The following SPRED2 variants were observed in gnomAD, a reference collection of about 807,000 sequenced individuals.
SPRED2 encodes the protein sprouty related EVH1 domain containing 2.
SPRED2 carries 47 observed loss-of-function variants against 43.0 expected under a neutral mutation model. The ratio of observed to expected loss-of-function variants is 1.09; its 90% confidence interval spans 0.87 to 1.40. The LOEUF (loss-of-function observed/expected upper bound fraction) is 1.40. Ranked by LOEUF, SPRED2 falls within the 40% of genes most tolerant of loss-of-function variation. The pLI, the probability that SPRED2 is intolerant of heterozygous loss-of-function variation, is 0.00. For synonymous variants in SPRED2, 225 were observed against 225.7 expected, an observed-to-expected ratio of 1.00 and a Z score of 0.03; for missense variants, 561 against 586.4, an observed-to-expected ratio of 0.96 and a Z score of 0.45.
intron 1 of SPRED2, among the ~76,000 whole-genome samples, chr2:65,401,937 G>GCGCGCACACACA (rs776512353): frequency 0.097 from 11,074 of 114,332 alleles, 532 homozygotes; most frequent in Non-Finnish European, 0.12. Context: ...GCGCGCGCGC[G>GCGCGCACACACA]CACACACACA....
At chr2:65,412,095 C>G (rs1262389371) in intron 1 of SPRED2, among the ~76,000 whole-genome samples, 1 of 151,052 alleles carries the variant, frequency 6.6e-6, no homozygotes, top group East Asian at 1.9e-4. Flanking sequence ...CCACTGCACT[C>G]CAGCCTGGGC....
intron 2 of SPRED2, among the ~76,000 whole-genome samples, chr2:65,341,334 A>G (rs371016555): frequency 8.6e-5 from 13 of 151,406 alleles, no homozygotes; most frequent in African/African-American, 3.2e-4. Flanking sequence ...TAAAGGGGAC[A>G]GGAAAAGGGG....
intron 1 of SPRED2, among the ~76,000 whole-genome samples, chr2:65,409,093 G>C (rs540865432): frequency 2.0e-5 from 3 of 152,312 alleles, no homozygotes; most frequent in South Asian, 2.1e-4. Flanking sequence ...GAAGTATTAT[G>C]AGCCCTTTTT....
intron 4 of SPRED2, among the ~76,000 whole-genome samples, chr2:65,320,951 T>C (rs2104143217): frequency 6.6e-6 from 1 of 152,332 alleles, no homozygotes; most frequent in East Asian, 1.9e-4. Context: ...CATCTCTCTG[T>C]TATTTCTGTG....
chr2:65,311,110 G>A lies in SPRED2; in HGVS notation c.*2391C>T, dbSNP rs1470728547. On this transcript the variant is annotated 3_prime_UTR_variant, in exon 6 of 6. Coordinates refer to ENST00000356388, the MANE Select transcript of SPRED2 (RefSeq NM_181784.3). ...GCAAATAGCTTGGGGGGTCGGGGAG[G>A]CTTCTGGACAGAAAATCTTTTGGTT... is the stretch of plus-strand genomic sequence containing the variant. 9 of 985,648 alleles carry A rather than the reference G, an allele frequency of 9.1e-6. No homozygotes were observed. The highest frequency in any genetic ancestry group is 9.6e-6 in the Non-Finnish European group (8 of 829,922). 61.1% of individuals were successfully genotyped at this position (985,648 alleles called of 1,614,324 possible).
At chr2:65,431,690 C>T (rs2103831368) in intron 1 of SPRED2, among the ~76,000 whole-genome samples, 1 of 152,150 alleles carries the variant, frequency 6.6e-6, no homozygotes, top group South Asian at 2.1e-4. Flanking sequence ...CGAGAGGGAG[C>T]GGAGACCGCC....
chr2:65,408,171 A>C (rs939722985), intron 1 of SPRED2, among the ~76,000 whole-genome samples: 7 of 152,198 alleles, frequency 4.6e-5, no homozygotes, highest in African/African-American at 1.7e-4. Flanking sequence ...CTTTCAACAA[A>C]GCTTTAGGCT....
intron 1 of SPRED2, among the ~76,000 whole-genome samples, chr2:65,367,864 T>C (rs1675022616): frequency 6.6e-6 from 1 of 152,136 alleles, no homozygotes; most frequent in Admixed American, 6.5e-5. Flanking sequence ...GCAGGCCCTT[T>C]GGTAATGTGG....
chr2:65,380,463 G>A (rs1675346125), intron 1 of SPRED2, among the ~76,000 whole-genome samples: 1 of 152,082 alleles, frequency 6.6e-6, no homozygotes, highest in Non-Finnish European at 1.5e-5. Flanking sequence ...TGCCTTCGAG[G>A]CTAGTCAATC....
chr2:65,409,691 C>CAAA (rs59225849), intron 1 of SPRED2, among the ~76,000 whole-genome samples: 235 of 89,966 alleles, frequency 2.6e-3, no homozygotes, highest in Non-Finnish European at 3.4e-3. Flanking sequence ...CAGTTTCCTG[C>CAAA]AAAAAAAAAA....
rs1470970060 is a variant in SPRED2, at chr2:65,432,055, G to A, written c.-68C>T. The A allele has an allele frequency of 4.9e-5, 79 of 1,597,472 alleles. 1 individual carries two copies. The Admixed American group carries it at 1.3e-3, about 26-fold the overall frequency. Reference sequence around the variant, plus strand: ...GCTCCCTTCATCTTCCTGTCCGCTCGCCCCCCTTCTTCACATCTCCGGAGA... The same window carrying A: ...GCTCCCTTCATCTTCCTGTCCGCTCACCCCCCTTCTTCACATCTCCGGAGA... On this transcript the variant is annotated 5_prime_UTR_variant, in exon 1 of 6. Coordinates refer to ENST00000356388, the MANE Select transcript of SPRED2 (RefSeq NM_181784.3).
At chr2:65,366,951 A>T (rs951006188) in intron 1 of SPRED2, among the ~76,000 whole-genome samples, 1 of 152,244 alleles carries the variant, frequency 6.6e-6, no homozygotes, top group South Asian at 2.1e-4. Context: ...CATTGATGAA[A>T]GGATGAAATG....
chr2:65,377,115 T>C (rs1253034415), intron 1 of SPRED2, among the ~76,000 whole-genome samples: 2 of 152,254 alleles, frequency 1.3e-5, no homozygotes, highest in African/African-American at 4.8e-5. Context: ...AGTTTCTTAT[T>C]AATGAACATT....
intron 1 of SPRED2, among the ~76,000 whole-genome samples, chr2:65,403,639 T>C (rs1218229484): frequency 6.6e-6 from 1 of 152,064 alleles, no homozygotes; most frequent in African/African-American, 2.4e-5. Context: ...TTAGTGGAAA[T>C]GTAGTCCAAG....
chr2:65,430,307 G>T (rs990056437), intron 1 of SPRED2, among the ~76,000 whole-genome samples: 1 of 152,164 alleles, frequency 6.6e-6, no homozygotes, highest in Admixed American at 6.5e-5. Context: ...TGGGACGTCT[G>T]CGACAGGCAC....
chr2:65,419,991 C>G (rs1452941256), intron 1 of SPRED2, among the ~76,000 whole-genome samples: 1 of 152,092 alleles, frequency 6.6e-6, no homozygotes, highest in Non-Finnish European at 1.5e-5. Context: ...GGGCAGATCA[C>G]TTGAGGTCAG....
chr2:65,366,246 A>T (rs2104329721), intron 1 of SPRED2, among the ~76,000 whole-genome samples: 1 of 152,300 alleles, frequency 6.6e-6, no homozygotes, highest in East Asian at 1.9e-4. Context: ...CAAGAGGTAT[A>T]CCATCTCTGC....
At chr2:65,347,498 C>T (rs1674387381) in intron 1 of SPRED2, among the ~76,000 whole-genome samples, 1 of 152,084 alleles carries the variant, frequency 6.6e-6, no homozygotes, top group Non-Finnish European at 1.5e-5. Context: ...GATGAAGTTG[C>T]TTTAGTTTCA....
At chr2:65,401,937 G>GCGCGCGCGCACACACACA (rs776512353) in intron 1 of SPRED2, among the ~76,000 whole-genome samples, 64 of 114,754 alleles carry the variant, frequency 5.6e-4, no homozygotes, top group Non-Finnish European at 6.2e-4. Context: ...GCGCGCGCGC[G>GCGCGCGCGCACACACACA]CACACACACA....
Sources: gnomAD v4.1 joint callset for allele counts (sites outside exome capture counted in the v4.1 genomes callset) on GRCh38, gnomAD v4.1.1 for gene constraint, MANE v1.5 for transcripts, NCBI Gene and HGNC (gene_info 2026-07-23, HGNC 2026-07-21) for gene names.